Variants in PTPRN2 observed in about 807,000 individuals in gnomAD.
PTPRN2 encodes protein tyrosine phosphatase receptor type N2.
Under a neutral mutation model 118.8 loss-of-function variants are expected in PTPRN2, and 74 were observed. The observed-to-expected ratio is 0.62, with a 90% CI of 0.52 to 0.76. The LOEUF (loss-of-function observed/expected upper bound fraction) is 0.76. Ranked by LOEUF, PTPRN2 falls within the 30% of genes least tolerant of loss-of-function variation. PTPRN2 has a pLI of 0.00. For missense variants in PTPRN2, 1,481 were observed against 1,394.4 expected, an observed-to-expected ratio of 1.06 and a Z score of -0.99; for synonymous variants, 641 against 608.0, an observed-to-expected ratio of 1.05 and a Z score of -0.80.
intron 12 of PTPRN2, among the ~76,000 whole-genome samples, chr7:157,821,242 G>C (rs547791382): frequency 2.0e-5 from 3 of 152,366 alleles, no homozygotes; most frequent in East Asian, 3.9e-4. Flanking sequence ...CATAAGTTTG[G>C]AGACAACAAC....
At chr7:157,877,702 C>G (rs1365341610) in intron 12 of PTPRN2, among the ~76,000 whole-genome samples, 2 of 152,194 alleles carry the variant, frequency 1.3e-5, no homozygotes, top group Non-Finnish European at 1.5e-5. Context: ...GGCTGGGGAA[C>G]AGCCAACCCT....
intron 3 of PTPRN2, among the ~76,000 whole-genome samples, chr7:158,283,923 G>A (rs540283343): frequency 1.6e-4 from 24 of 152,280 alleles, no homozygotes; most frequent in African/African-American, 5.1e-4. Flanking sequence ...GGCAGCCAGC[G>A]TAGGAGCCTT....
intron 17 of PTPRN2, among the ~76,000 whole-genome samples, chr7:157,586,429 A>G (rs1353794853): frequency 2.0e-5 from 3 of 152,128 alleles, no homozygotes; most frequent in East Asian, 1.9e-4. Flanking sequence ...CTTCACCCAC[A>G]CTAGGGAGCT....
intron 2 of PTPRN2, among the ~76,000 whole-genome samples, chr7:158,356,984 G>A (rs1286920060): frequency 2.0e-5 from 3 of 152,126 alleles, no homozygotes; most frequent in Admixed American, 6.5e-5. Context: ...CCGGGAGAGC[G>A]GCCTCCGTCT....
intron 11 of PTPRN2, among the ~76,000 whole-genome samples, chr7:158,069,568 T>C (rs61012910): frequency 0.061 from 9,135 of 149,690 alleles, 334 homozygotes; most frequent in Non-Finnish European, 0.088. Context: ...CCTCCATTCT[T>C]AACCCCCAAA....
chr7:157,895,058 C>T (rs1274974321), intron 12 of PTPRN2, among the ~76,000 whole-genome samples: 1 of 150,150 alleles, frequency 6.7e-6, no homozygotes, highest in Admixed American at 6.7e-5. Context: ...CCCTCCCCCA[C>T]AGGAGGGGGT....
intron 10 of PTPRN2, among the ~76,000 whole-genome samples, chr7:158,103,923 C>T (rs184678800): frequency 6.0e-4 from 91 of 151,612 alleles, no homozygotes; most frequent in Non-Finnish European, 1.1e-3. Flanking sequence ...AGTGCAGTGG[C>T]GCGATCTCAG....
intron 11 of PTPRN2, among the ~76,000 whole-genome samples, chr7:157,922,358 C>T (rs1798735718): frequency 6.6e-6 from 1 of 152,176 alleles, no homozygotes; most frequent in Admixed American, 6.5e-5. Context: ...TGACTTGGAA[C>T]AGAGTGCGTG....
At chr7:158,195,915 T>C (rs148167778) in intron 4 of PTPRN2, among the ~76,000 whole-genome samples, 2 of 152,344 alleles carry the variant, frequency 1.3e-5, no homozygotes, top group African/African-American at 4.8e-5. Context: ...TATTTACCTT[T>C]GCTCTGGCAT....
At chr7:158,072,741 G>C (rs977433803) in intron 11 of PTPRN2, among the ~76,000 whole-genome samples, 4 of 152,162 alleles carry the variant, frequency 2.6e-5, no homozygotes, top group African/African-American at 9.7e-5. Context: ...ACTGCCAAGG[G>C]GTTTGTGCCA....
rs992971952 is a variant in PTPRN2 at position 158,574,917 on chromosome 7, T to C, written c.112+12641A>G. 2.0e-5 allele frequency among the ~76,000 whole-genome samples: 3 copies of C among 149,200 alleles called. No individual in the cohort carries two copies. The highest frequency in any genetic ancestry group is 7.8e-5 in the African/African-American group (3 of 38,580). On this transcript the variant is annotated intron_variant, in intron 1 of 22. Transcript: ENST00000389418. The surrounding 1 kb of genome is among the most constrained non-coding windows in gnomAD (Gnocchi z 4.6). ...GCAGCAGAGGTGAGAGCCACTGATT[T>C]ACACGGCAGAACTGGCCACCACCAG...
At chr7:158,313,991 C>G (rs750683481) in intron 3 of PTPRN2, among the ~76,000 whole-genome samples, 5 of 152,072 alleles carry the variant, frequency 3.3e-5, no homozygotes, top group Middle Eastern at 3.4e-3. Context: ...CATTTCATCC[C>G]AGGACGCCCA....
chr7:158,163,636 A>G (rs760293773), intron 6 of PTPRN2, among the ~76,000 whole-genome samples: 9 of 145,116 alleles, frequency 6.2e-5, no homozygotes, highest in Non-Finnish European at 9.0e-5. Context: ...TTCTCTGTAT[A>G]TTTCTTAGGT....
Position 157,603,878 on chromosome 7 carries a change from G to C in PTPRN2, c.2418+124C>G, listed in dbSNP as rs1397491676. The C allele has an allele frequency of 1.1e-6, 1 of 899,138 alleles. No homozygotes were observed. Among genetic ancestry groups the C allele is most frequent in the African/African-American group, 1.7e-5 (1 of 60,294 alleles). The allele number at this position is 899,138 out of a possible 1,614,324, so 55.7% of individuals were successfully genotyped here. On this transcript the variant is annotated intron_variant, in intron 16 of 22. Coordinates refer to ENST00000389418, the MANE Select transcript of PTPRN2 (RefSeq NM_002847.5). The surrounding 1 kb of genome is among the most constrained non-coding windows in gnomAD (Gnocchi z 5.4). ...GAGCCCAATGGGCAGAGTCGGCCCT[G>C]TCCACCGCAGAGACGCTGAGCTGGG... is the stretch of plus-strand genomic sequence containing the variant.
At chr7:157,901,820 C>A (rs113713255) in intron 11 of PTPRN2, among the ~76,000 whole-genome samples, 1 of 135,818 alleles carries the variant, frequency 7.4e-6, no homozygotes, top group African/African-American at 3.0e-5. Context: ...GGGGCCTCCC[C>A]GTCCGTGTTT....
chr7:157,663,241 T>C (rs1263566), intron 13 of PTPRN2, among the ~76,000 whole-genome samples: 126,451 of 152,028 alleles, frequency 0.83, 52,854 homozygotes, highest in East Asian at 0.98. Flanking sequence ...AGGAGGTCAC[T>C]GAGCAAGGGC....
rs905086818 is a variant in PTPRN2, at chr7:158,093,586, G to A, written c.1644-12209C>T. ...AAAACCAATAAAAAAATGAGCTCAC[G>A]TCTGGCTGCTACAGAATTCTCTTTG... On this transcript the variant is annotated intron_variant, in intron 10 of 22. Coordinates refer to ENST00000389418, the MANE Select transcript of PTPRN2 (RefSeq NM_002847.5). The surrounding 1 kb of genome is among the most constrained non-coding windows in gnomAD (Gnocchi z 4.4). 1.3e-5 allele frequency among the ~76,000 whole-genome samples: 2 copies of A among 152,330 alleles called. No individual in the cohort carries two copies. The highest frequency in any genetic ancestry group is 6.5e-5 in the Admixed American group (1 of 15,306).
chr7:158,133,529 G>A, intron 9 of PTPRN2, 148 bp downstream of exon 9: 7 of 1,168,932 alleles, frequency 6.0e-6, no homozygotes, highest in Non-Finnish European at 8.1e-6. Context: ...CTCCGCGCCT[G>A]AGACTCCAGG....
intron 11 of PTPRN2, among the ~76,000 whole-genome samples, chr7:157,988,805 T>C (rs969584600): frequency 2.6e-5 from 4 of 152,340 alleles, no homozygotes; most frequent in Admixed American, 2.0e-4. Flanking sequence ...GGCTGCACCC[T>C]GGGCAGGGCT....
Sources: allele counts gnomAD v4.1 joint callset (sites outside exome capture counted in the v4.1 genomes callset), GRCh38; gene constraint gnomAD v4.1.1; non-coding constraint Gnocchi (gnomAD v3.1); transcripts MANE v1.5; gene names NCBI Gene and HGNC (gene_info 2026-07-23, HGNC 2026-07-21).